The following CAMLG variants were observed in gnomAD, a reference collection of about 807,000 sequenced individuals.
The protein encoded by CAMLG is guided entry of tail-anchored proteins factor CAMLG.
In CAMLG, 23 loss-of-function variants were observed where a neutral mutation model predicts 28.9. The ratio of observed to expected loss-of-function variants is 0.80; its 90% CI spans 0.57 to 1.13. The LOEUF is 1.13. Among genes scored for constraint, CAMLG ranks in the 50% most tolerant of loss-of-function variants. The pLI is 0.00. For missense variants in CAMLG, 367 were observed against 371.9 expected (o/e 0.99, Z 0.11); for synonymous variants, 141 against 146.5 (o/e 0.96, Z 0.27).
rs74958082 is a variant in CAMLG at position 134,750,981 on chromosome 5, A to C, written c.*31A>C. On this transcript the variant is annotated 3_prime_UTR_variant, in exon 4 of 4. Coordinates refer to ENST00000297156, the MANE Select transcript of CAMLG (RefSeq NM_001745.4). ...GTAGAACTGAGAAGGAGAAGCTTAC[A>C]AAAAAAAAAAAATCCTCTTCTATAT... 4 of 490,464 alleles carry C rather than the reference A, an allele frequency of 8.2e-6. No individual in the cohort carries two copies. Among genetic ancestry groups the C allele is most frequent in the African/African-American group, 2.2e-5 (1 of 44,716 alleles). 30.4% of individuals were successfully genotyped at this position (490,464 alleles called of 1,614,324 possible).
chr5:134,738,617 G>A lies in CAMLG; in HGVS notation c.-4G>A, dbSNP rs181306113. The stretch of plus-strand genomic sequence containing the variant: ...GCCACCCCTCCCAGACTGTGGACGG[G>A]AGGATGGAGTCGATGGCCGTCGCTA... On this transcript the variant is annotated 5_prime_UTR_variant, in exon 1 of 4. Coordinates refer to ENST00000297156, the MANE Select transcript of CAMLG (RefSeq NM_001745.4). The A allele has an allele frequency of 2.5e-6, 4 of 1,609,968 alleles. No individual in the cohort carries two copies. The highest frequency in any genetic ancestry group is 2.2e-5 in the South Asian group (2 of 90,908).
Position 134,749,354 on chromosome 5 carries a change from C to T in CAMLG, c.700-1405C>T, listed in dbSNP as rs141895320. On this transcript the variant is annotated intron_variant, in intron 3 of 3. Transcript: ENST00000297156. ...AAGTGCTGGGATTACAGGCATGAGCCGCTGCACCCGGCCAACTATAGGTTT... is the reference window on the plus strand; with the variant it reads ...AAGTGCTGGGATTACAGGCATGAGCTGCTGCACCCGGCCAACTATAGGTTT... 5.5e-3 allele frequency among the ~76,000 whole-genome samples: 841 copies of T among 152,152 alleles called. 4 individuals carry two copies. The highest frequency in any genetic ancestry group is 0.041 in the Middle Eastern group (12 of 294).
At chr5:134,748,827 CCTT>C (rs1343664078) in intron 3 of CAMLG, among the ~76,000 whole-genome samples, 2 of 151,992 alleles carry the variant, frequency 1.3e-5, no homozygotes, top group African/African-American at 4.8e-5. Context: ...TTTGTGCAAG[CCTT>C]CTTTATTCCG....
rs753097323 is a variant in CAMLG, at chr5:134,744,061, A to AT, written c.699+17dup. 2.1e-4 allele frequency: 267 copies of AT among 1,262,616 alleles called. 1 individual carries two copies. The highest frequency in any genetic ancestry group is 4.6e-5 in the Non-Finnish European group (40 of 874,450). The allele number at this position is 1,262,616 out of a possible 1,614,324, so 78.2% of individuals were successfully genotyped here. ...ACAAATATTTTCCCAAGGTAAATTA[A>AT]TTTTTTTTCTAAATTTCGATGATGT... On this transcript the variant is annotated intron_variant, in intron 3 of 3. Transcript: ENST00000297156.
intron 3 of CAMLG, among the ~76,000 whole-genome samples, chr5:134,749,481 G>A (rs745512557): frequency 1.4e-4 from 22 of 152,190 alleles, no homozygotes; most frequent in Non-Finnish European, 2.9e-4. Context: ...AAATTAATAA[G>A]TAAATGTTCT....
chr5:134,748,834 T>C (rs965169154), intron 3 of CAMLG, among the ~76,000 whole-genome samples: 1 of 152,192 alleles, frequency 6.6e-6, no homozygotes, highest in South Asian at 2.1e-4. Context: ...AAGCCTTCTT[T>C]ATTCCGCATG....
chr5:134,746,481 T>G (rs1265219810), intron 3 of CAMLG, among the ~76,000 whole-genome samples: 1 of 151,996 alleles, frequency 6.6e-6, no homozygotes, highest in African/African-American at 2.4e-5. Flanking sequence ...AGCAGGGTTT[T>G]TTTTGCTTGT....
chr5:134,743,179 C>T (rs994073434), intron 2 of CAMLG, among the ~76,000 whole-genome samples: 1 of 152,168 alleles, frequency 6.6e-6, no homozygotes, highest in African/African-American at 2.4e-5. Flanking sequence ...ATTTTGAGTG[C>T]TGGGCCTTTT....
chr5:134,748,313 G>A (rs1450313223), intron 3 of CAMLG, among the ~76,000 whole-genome samples: 3 of 152,148 alleles, frequency 2.0e-5, no homozygotes, highest in African/African-American at 4.8e-5. Context: ...TTGGGAGGCC[G>A]AGATGGGCGG....
chr5:134,744,197 A>G (rs1753018262), intron 3 of CAMLG, 145 bp downstream of exon 3: 1 of 568,328 alleles, frequency 1.8e-6, no homozygotes, highest in South Asian at 2.2e-5. Flanking sequence ...TCTCCAAACT[A>G]TGTGTTTGTG....
At chr5:134,745,392 C>T (rs1283618333) in intron 3 of CAMLG, among the ~76,000 whole-genome samples, 7 of 142,996 alleles carry the variant, frequency 4.9e-5, no homozygotes, top group African/African-American at 1.8e-4. Context: ...GCCGAGATTG[C>T]GCCACTGTAC....
Position 134,738,620 on chromosome 5 carries a change from G to C in CAMLG, c.-1G>C. On this transcript the variant is annotated 5_prime_UTR_variant, in exon 1 of 4. Coordinates refer to ENST00000297156, the MANE Select transcript of CAMLG (RefSeq NM_001745.4). ...ACCCCTCCCAGACTGTGGACGGGAG[G>C]ATGGAGTCGATGGCCGTCGCTACCG... The C allele has an allele frequency of 1.2e-6, 2 of 1,610,172 alleles. No individual in the cohort carries two copies. Among genetic ancestry groups the C allele is most frequent in the Admixed American group, 1.7e-5 (1 of 59,226 alleles).
At position 134,741,514 on chromosome 5, in the gene CAMLG, C is replaced by G. The variant is rs778681374; in HGVS notation, c.624C>G (p.Cys208Trp). The change falls in exon 2 of 4, where the codon TGC becomes TGG. Residue 208 changes from cysteine to tryptophan, a missense_variant. Cys to Trp is a radical substitution (Grantham distance 215, BLOSUM62 -2). Coordinates refer to ENST00000297156, the MANE Select transcript of CAMLG (RefSeq NM_001745.4). ...LLALGVRAFV[C>W]KYLSIFAPFL... is the part of the protein sequence containing the mutation. ...CTCTTGGAGTCAGAGCTTTTGTTTGCAAATACTTGGTAAGAAAAGATCTGT... is the reference window on the plus strand; with the variant it reads ...CTCTTGGAGTCAGAGCTTTTGTTTGGAAATACTTGGTAAGAAAAGATCTGT... 6.3e-7 allele frequency: 1 copy of G among 1,592,260 alleles called. No individual in the cohort carries two copies. The highest frequency in any genetic ancestry group is 1.3e-5 in the African/African-American group (1 of 74,250).
chr5:134,742,792 G>A (rs748307833), intron 2 of CAMLG, among the ~76,000 whole-genome samples: 1 of 152,010 alleles, frequency 6.6e-6, no homozygotes, highest in Non-Finnish European at 1.5e-5. Context: ...AGGCTGGAGT[G>A]CAGTGATGTG....
chr5:134,743,991 T>C lies in CAMLG; in HGVS notation c.638T>C (p.Ile213Thr). Residue 213 changes from isoleucine to threonine, a missense_variant, in exon 3 of 4, where the codon ATA becomes ACA. Transcript: ENST00000297156. ...TTTTATCTTCTATCTTCACAGTCCATATTTGCTCCATTTCTTACTTTACAA... is the reference window on the plus strand; with the variant it reads ...TTTTATCTTCTATCTTCACAGTCCACATTTGCTCCATTTCTTACTTTACAA... ...VRAFVCKYLS[I>T]FAPFLTLQLA... is the part of the protein sequence containing the mutation. 7.4e-7 allele frequency: 1 copy of C among 1,345,462 alleles called. No homozygotes were observed. The highest frequency in any genetic ancestry group is 1.1e-6 in the Non-Finnish European group (1 of 938,826). 83.3% of individuals were successfully genotyped at this position (1,345,462 alleles called of 1,614,324 possible).
At chr5:134,749,276 G>T (rs1753086117) in intron 3 of CAMLG, among the ~76,000 whole-genome samples, 1 of 151,936 alleles carries the variant, frequency 6.6e-6, no homozygotes, top group Non-Finnish European at 1.5e-5. Context: ...CACCATATTG[G>T]CCAGGCTGGT....
chr5:134,741,337 C>T lies in CAMLG; in HGVS notation c.447C>T (p.Arg149=). 2 of 1,614,184 alleles carry T rather than the reference C, an allele frequency of 1.2e-6. No individual in the cohort carries two copies. The highest frequency in any genetic ancestry group is 1.1e-5 in the South Asian group (1 of 91,082). The part of the protein sequence containing the change: ...LTADSVQRGS[R]HGLEQYLSRF... ...CGGACTCGGTCCAGAGGGGTTCCCG[C>T]CATGGCCTAGAGCAGTACCTTTCCA... The change falls in exon 2 of 4, where the codon CGC becomes CGT. Residue 149 remains arginine, a synonymous_variant. Coordinates refer to ENST00000297156, the MANE Select transcript of CAMLG (RefSeq NM_001745.4).
In CAMLG at chr5:134,741,199, C is replaced by A. The variant is rs528276022; in HGVS notation, c.309C>A (p.Ala103=). The part of the protein sequence containing the change: ...TGTTDQQGGV[A]EVKGTQLGDK... The stretch of plus-strand genomic sequence containing the variant: ...CAACTGACCAGCAGGGTGGTGTGGC[C>A]GAGGTAAAGGGGACCCAACTGGGAG... The change falls in exon 2 of 4, where the codon GCC becomes GCA. Residue 103 remains alanine, a synonymous_variant. Coordinates refer to ENST00000297156, the MANE Select transcript of CAMLG (RefSeq NM_001745.4). 1.2e-6 allele frequency: 2 copies of A among 1,613,952 alleles called. No individual in the cohort carries two copies. The highest frequency in any genetic ancestry group is 1.7e-6 in the Non-Finnish European group (2 of 1,180,014).
rs1753109626 is a variant in CAMLG at position 134,751,068 on chromosome 5, G to T, written c.*118G>T. The T allele has an allele frequency of 4.6e-6, 3 of 658,750 alleles. No homozygotes were observed. Among genetic ancestry groups the T allele is most frequent in the Non-Finnish European group, 7.7e-6 (3 of 391,966 alleles). 40.8% of individuals were successfully genotyped at this position (658,750 alleles called of 1,614,324 possible). On this transcript the variant is annotated 3_prime_UTR_variant, in exon 4 of 4. Transcript: ENST00000297156. The stretch of plus-strand genomic sequence containing the variant: ...TTCATGTAATTCTTTTACTTTAGGG[G>T]TTGTAAAGCTACTTTATTAGATATA...
Sources: gnomAD v4.1 joint callset for allele counts (sites outside exome capture counted in the v4.1 genomes callset) on GRCh38, gnomAD v4.1.1 for gene constraint, MANE v1.5 for transcripts, NCBI Gene and HGNC (gene_info 2026-07-23, HGNC 2026-07-21) for gene names.